MACROD2: variants seen among roughly 807,000 people sequenced by gnomAD.
MACROD2 encodes mono-ADP ribosylhydrolase 2.
MACROD2 carries 36 observed loss-of-function variants against 70.4 expected under a neutral mutation model. That is an observed-to-expected ratio of 0.51 (90% confidence interval 0.39 to 0.68). The LOEUF is 0.68. Ranked by LOEUF, MACROD2 falls within the 30% of genes least tolerant of loss-of-function variation. The pLI is 0.00. For synonymous variants in MACROD2, 172 were observed against 178.8 expected (o/e 0.96, Z 0.30); for missense variants, 496 against 538.4 (o/e 0.92, Z 0.78).
chr20:15,176,125 C>T (rs1192082603), intron 5 of MACROD2, among the ~76,000 whole-genome samples: 1 of 152,244 alleles, frequency 6.6e-6, no homozygotes, highest in East Asian at 1.9e-4. Flanking sequence ...CAGCCCCCTG[C>T]TGCCTTGGCC....
At chr20:14,926,163 A>AGTTT (rs56297753) in intron 5 of MACROD2, among the ~76,000 whole-genome samples, 24,018 of 151,770 alleles carry the variant, frequency 0.16, 2,046 homozygotes, top group Non-Finnish European at 0.19. Context: ...CTAAATGCAG[A>AGTTT]GTTTGTTTGT....
In MACROD2 at chr20:14,085,620, G is replaced by T; in HGVS notation, c.164-1G>T. 2 of 1,515,510 alleles carry T rather than the reference G, an allele frequency of 1.3e-6. No individual in the cohort carries two copies. The highest frequency in any genetic ancestry group is 8.9e-7 in the Non-Finnish European group (1 of 1,121,358). The allele number at this position is 1,515,510 out of a possible 1,614,324, so 93.9% of individuals were successfully genotyped here. A position where few individuals can be genotyped will look rare whatever the true frequency, so the allele number is the denominator to read the frequency against. On this transcript the variant is annotated splice_acceptor_variant, in intron 2 of 17. Transcript: ENST00000684519. LOFTEE classifies it high-confidence loss of function. Reference sequence around the variant, plus strand: ...TGATATATATCCATTTTCTATTACAGAAGAAAATACTCAGGAAACATCCCA... The same window carrying T: ...TGATATATATCCATTTTCTATTACATAAGAAAATACTCAGGAAACATCCCA...
chr20:14,103,317 T>G (rs1438631934), intron 3 of MACROD2, among the ~76,000 whole-genome samples: 1 of 152,218 alleles, frequency 6.6e-6, no homozygotes, highest in East Asian at 1.9e-4. Flanking sequence ...TCCAGAGTCT[T>G]TCTTTTAGTC....
chr20:14,938,503 G>T (rs1426242607), intron 5 of MACROD2, among the ~76,000 whole-genome samples: 1 of 152,074 alleles, frequency 6.6e-6, no homozygotes, highest in African/African-American at 2.4e-5. Context: ...AAACCAGGCT[G>T]GGCACAGTGG....
At chr20:15,147,879 A>G (rs949839921) in intron 5 of MACROD2, among the ~76,000 whole-genome samples, 3 of 151,920 alleles carry the variant, frequency 2.0e-5, no homozygotes, top group African/African-American at 7.3e-5. Context: ...GGCAGGCAGG[A>G]GTAGGGGTCA....
chr20:15,455,599 G>A (rs2046714145), intron 7 of MACROD2, among the ~76,000 whole-genome samples: 1 of 152,072 alleles, frequency 6.6e-6, no homozygotes, highest in African/African-American at 2.4e-5. Context: ...TAAATATTCT[G>A]CTTGTGAAAT....
chr20:14,109,231 C>A (rs1487297354), intron 3 of MACROD2, among the ~76,000 whole-genome samples: 1 of 151,740 alleles, frequency 6.6e-6, no homozygotes. Context: ...GTAACGGAGA[C>A]AAAATGTACC....
chr20:15,124,363 T>TTTC (rs56856099), intron 5 of MACROD2, among the ~76,000 whole-genome samples: 4 of 150,828 alleles, frequency 2.7e-5, no homozygotes, highest in African/African-American at 9.7e-5. Context: ...TTTTTTTTTT[T>TTTC]CTAAAAAAAA....
At chr20:15,925,826 G>C (rs973488174) in intron 10 of MACROD2, among the ~76,000 whole-genome samples, 1 of 152,148 alleles carries the variant, frequency 6.6e-6, no homozygotes, top group African/African-American at 2.4e-5. Context: ...CATGGACAAT[G>C]CTGTTTTGAG....
chr20:15,448,219 C>T (rs1201948220), intron 7 of MACROD2, among the ~76,000 whole-genome samples: 1 of 151,996 alleles, frequency 6.6e-6, no homozygotes, highest in African/African-American at 2.4e-5. Flanking sequence ...GCTTTCAAGC[C>T]CTAGAGTGGT....
intron 3 of MACROD2, among the ~76,000 whole-genome samples, chr20:14,178,893 G>T (rs989590858): frequency 6.6e-6 from 1 of 151,944 alleles, no homozygotes; most frequent in Non-Finnish European, 1.5e-5. Context: ...TTACACGATG[G>T]TTCCAAACTC....
chr20:14,746,639 C>A (rs1043261690), intron 5 of MACROD2, among the ~76,000 whole-genome samples: 1 of 151,960 alleles, frequency 6.6e-6, no homozygotes, highest in Non-Finnish European at 1.5e-5. Flanking sequence ...TCTCTTATGG[C>A]CTAATGTAAA....
At chr20:15,554,940 C>T (rs968413820) in intron 8 of MACROD2, among the ~76,000 whole-genome samples, 3 of 152,190 alleles carry the variant, frequency 2.0e-5, no homozygotes, top group African/African-American at 7.2e-5. Flanking sequence ...TCATTTCAAA[C>T]CATACAAATC....
intron 13 of MACROD2, among the ~76,000 whole-genome samples, chr20:15,982,210 G>T (rs2147455753): frequency 6.6e-6 from 1 of 152,200 alleles, no homozygotes; most frequent in Admixed American, 6.5e-5. Flanking sequence ...CACACATCGG[G>T]CAGGTCACTT....
intron 8 of MACROD2, among the ~76,000 whole-genome samples, chr20:15,640,310 G>C (rs1182379322): frequency 1.3e-5 from 2 of 152,124 alleles, no homozygotes. Flanking sequence ...GATAGAGAGA[G>C]AAGTGGATAG....
intron 5 of MACROD2, among the ~76,000 whole-genome samples, chr20:15,120,865 T>G (rs979209754): frequency 5.9e-5 from 9 of 152,180 alleles, no homozygotes; most frequent in Non-Finnish European, 1.0e-4. Flanking sequence ...CTTTAACACC[T>G]GTCACACTCA....
intron 5 of MACROD2, among the ~76,000 whole-genome samples, chr20:14,913,721 A>G (rs2122605751): frequency 6.6e-6 from 1 of 152,228 alleles, no homozygotes; most frequent in East Asian, 1.9e-4. Flanking sequence ...TCCAAATTCC[A>G]TATAAGACTA....
rs16996597 is a variant in MACROD2 at position 15,811,502 on chromosome 20, C to G, written c.646-51243C>G. On this transcript the variant is annotated intron_variant, in intron 8 of 17. Coordinates refer to ENST00000684519, the MANE Select transcript of MACROD2 (RefSeq NM_001351661.2). ...TTCCTGACAGTGACCTTGTATCTCACTTTCCTATTTAATTTTCTTTATATT... is the reference window on the plus strand; with the variant it reads ...TTCCTGACAGTGACCTTGTATCTCAGTTTCCTATTTAATTTTCTTTATATT... Among the ~76,000 whole-genome samples the G allele has an allele frequency of 4.0e-3, 614 of 152,310 alleles. 11 individuals carry two copies. The highest frequency in any genetic ancestry group is 0.034 in the Admixed American group (525 of 15,286).
chr20:15,917,043 C>A (rs1010552833), intron 10 of MACROD2, among the ~76,000 whole-genome samples: 3 of 152,176 alleles, frequency 2.0e-5, no homozygotes, highest in Non-Finnish European at 2.9e-5. Context: ...GCAGGCTGTA[C>A]CGAGACAAGC....
Sources: allele counts gnomAD v4.1 joint callset (sites outside exome capture counted in the v4.1 genomes callset), GRCh38; gene constraint gnomAD v4.1.1; transcripts MANE v1.5; gene names NCBI Gene and HGNC (gene_info 2026-07-23, HGNC 2026-07-21).